DLGAP2: variants seen among roughly 807,000 people sequenced by gnomAD.
The protein encoded by DLGAP2 is disks large-associated protein 2.
In DLGAP2, 26 loss-of-function variants were observed where a neutral mutation model predicts 100.3. That is an observed-to-expected ratio of 0.26 (90% CI 0.19 to 0.36). The LOEUF is 0.36. Among genes scored for constraint, DLGAP2 ranks in the 10% least tolerant of loss-of-function variants. The probability of loss-of-function intolerance (pLI) is 1.00; values close to 1 mark genes in which losing one functional copy is unlikely to be tolerated. For synonymous variants in DLGAP2, 886 were observed against 630.1 expected, an observed-to-expected ratio of 1.41 and a Z score of -6.08; for missense variants, 1,858 against 1,453.2, an observed-to-expected ratio of 1.28 and a Z score of -4.53.
intron 3 of DLGAP2, among the ~76,000 whole-genome samples, chr8:1,326,663 T>G (rs11136382): frequency 6.6e-6 from 1 of 152,188 alleles, no homozygotes; most frequent in Non-Finnish European, 1.5e-5. Flanking sequence ...AGTCTTGGTC[T>G]GGGCTTGTCA....
chr8:1,153,632 AC>A (rs1175197330), intron 2 of DLGAP2, among the ~76,000 whole-genome samples: 1 of 152,196 alleles, frequency 6.6e-6, no homozygotes, highest in African/African-American at 2.4e-5. Flanking sequence ...TATTTTTTAG[AC>A]TTTTCACAGG....
chr8:1,186,302 T>C (rs73537291), intron 2 of DLGAP2, among the ~76,000 whole-genome samples: 19,647 of 152,248 alleles, frequency 0.13, 2,595 homozygotes, highest in African/African-American at 0.34. Flanking sequence ...TCCAGCGTAC[T>C]CACCATTAAG....
chr8:1,303,760 C>G (rs1451508910), intron 3 of DLGAP2, among the ~76,000 whole-genome samples: 2 of 152,106 alleles, frequency 1.3e-5, no homozygotes, highest in Non-Finnish European at 2.9e-5. Flanking sequence ...GGTTTTGCTT[C>G]TCATAGGGGC....
intron 7 of DLGAP2, among the ~76,000 whole-genome samples, chr8:1,627,693 C>T (rs1286267770): frequency 6.6e-6 from 1 of 152,180 alleles, no homozygotes; most frequent in Admixed American, 6.5e-5. Flanking sequence ...AGAGCCTGAG[C>T]CGACCTCACA....
At chr8:1,134,535 A>AAATTT (rs1796363748) in intron 2 of DLGAP2, among the ~76,000 whole-genome samples, 1 of 145,516 alleles carries the variant, frequency 6.9e-6, no homozygotes, top group South Asian at 2.2e-4. Context: ...AATTTGCATT[A>AAATTT]ATTAATGATA....
At chr8:856,650 G>A (rs974171642) in intron 1 of DLGAP2, among the ~76,000 whole-genome samples, 1 of 152,158 alleles carries the variant, frequency 6.6e-6, no homozygotes, top group Non-Finnish European at 1.5e-5. Context: ...AATGTAAAAT[G>A]CTTAAGTAAA....
chr8:1,132,573 G>GCT (rs746447332), intron 2 of DLGAP2, among the ~76,000 whole-genome samples: 13 of 152,194 alleles, frequency 8.5e-5, no homozygotes, highest in Non-Finnish European at 1.6e-4. Flanking sequence ...ATAGAACTGA[G>GCT]CTGGCATGCA....
At chr8:1,019,166 C>T (rs1410282648) in intron 2 of DLGAP2, 8 of 152,210 alleles carry the variant, frequency 5.3e-5, no homozygotes, top group Admixed American at 5.2e-4. Flanking sequence ...AGACGTTGTT[C>T]TAGAGTGAGT....
At chr8:1,337,993 T>G (rs544430397) in intron 3 of DLGAP2, among the ~76,000 whole-genome samples, 1 of 152,340 alleles carries the variant, frequency 6.6e-6, no homozygotes, top group East Asian at 1.9e-4. Context: ...GAGATGCAAT[T>G]GCATTCCCAC....
intron 3 of DLGAP2, among the ~76,000 whole-genome samples, chr8:1,459,083 G>A (rs373675068): frequency 6.8e-6 from 1 of 147,488 alleles, no homozygotes; most frequent in Non-Finnish European, 1.5e-5. Context: ...CAAGACCAGC[G>A]TGCGTCCCAG....
At chr8:1,167,897 A>G (rs918023193) in intron 2 of DLGAP2, among the ~76,000 whole-genome samples, 2 of 151,220 alleles carry the variant, frequency 1.3e-5, no homozygotes, top group Non-Finnish European at 3.0e-5. Flanking sequence ...TTTTTTTATT[A>G]TACTTTAAGT....
chr8:1,410,279 G>A (rs1796690172), intron 3 of DLGAP2, among the ~76,000 whole-genome samples: 1 of 152,228 alleles, frequency 6.6e-6, no homozygotes, highest in Non-Finnish European at 1.5e-5. Context: ...GAGGATACCA[G>A]TAATAGTGAC....
intron 2 of DLGAP2, among the ~76,000 whole-genome samples, chr8:1,107,376 C>T (rs1163688483): frequency 1.3e-5 from 2 of 152,212 alleles, no homozygotes; most frequent in East Asian, 3.9e-4. Context: ...CCGGGCCTGC[C>T]TAGGCCTCAG....
At chr8:1,619,954 C>G (rs1213499331) in intron 6 of DLGAP2, 1 of 152,176 alleles carries the variant, frequency 6.6e-6, no homozygotes, top group Non-Finnish European at 1.5e-5. Context: ...TTCCTGTAGA[C>G]AGGAAAAATG....
At chr8:932,860 C>T (rs1207396714) in intron 2 of DLGAP2, among the ~76,000 whole-genome samples, 1 of 152,058 alleles carries the variant, frequency 6.6e-6, no homozygotes, top group Non-Finnish European at 1.5e-5. Flanking sequence ...TGATAACCAA[C>T]AGTTTGAAAA....
At chr8:1,172,075 C>G (rs1797140697) in intron 2 of DLGAP2, among the ~76,000 whole-genome samples, 1 of 151,784 alleles carries the variant, frequency 6.6e-6, no homozygotes, top group African/African-American at 2.4e-5. Context: ...TTAGGGCAGG[C>G]CTGGTGGTGA....
chr8:1,267,122 C>T (rs1264504243), intron 3 of DLGAP2, among the ~76,000 whole-genome samples: 1 of 151,682 alleles, frequency 6.6e-6, no homozygotes, highest in South Asian at 2.1e-4. Flanking sequence ...GTCCCAGCTA[C>T]CCCTGAGACT....
intron 8 of DLGAP2, among the ~76,000 whole-genome samples, chr8:1,657,619 A>C (rs2130819676): frequency 6.6e-6 from 1 of 152,350 alleles, no homozygotes; most frequent in South Asian, 2.1e-4. Context: ...TCTATCACAC[A>C]GGGCTGTACA....
chr8:1,196,406 G>A (rs1797750441), intron 2 of DLGAP2, among the ~76,000 whole-genome samples: 2 of 152,214 alleles, frequency 1.3e-5, no homozygotes, highest in African/African-American at 2.4e-5. Flanking sequence ...GGAGAAGCCA[G>A]ATAGGTGTGT....
Sources: allele counts gnomAD v4.1 joint callset (sites outside exome capture counted in the v4.1 genomes callset), GRCh38; gene constraint gnomAD v4.1.1; transcripts MANE v1.5; gene names NCBI Gene and HGNC (gene_info 2026-07-23, HGNC 2026-07-21).